The following GABBR2 variants were observed in gnomAD, a reference collection of about 807,000 sequenced individuals.
GABBR2 encodes the protein G-protein coupled receptor 51.
In GABBR2, 23 loss-of-function variants were observed where a neutral mutation model predicts 105.6. The observed-to-expected ratio is 0.22, with a 90% CI of 0.16 to 0.31. GABBR2 has a LOEUF of 0.31. Ranked by LOEUF, GABBR2 falls within the 10% of genes least tolerant of loss-of-function variation. The probability of loss-of-function intolerance (pLI) is 1.00; values close to 1 mark genes in which losing one functional copy is unlikely to be tolerated. For missense variants in GABBR2, 734 were observed against 1,245.5 expected, an observed-to-expected ratio of 0.59 and a Z score of 6.18; for synonymous variants, 478 against 499.7, an observed-to-expected ratio of 0.96 and a Z score of 0.58.
In GABBR2 at chr9:98,303,435, A is replaced by AAG; in HGVS notation, c.2230-14_2230-13dup. The AAG allele has an allele frequency of 6.2e-7, 1 of 1,612,966 alleles. No homozygotes were observed. Among genetic ancestry groups the AAG allele is most frequent in the South Asian group, 1.1e-5 (1 of 90,908 alleles). On this transcript the variant is annotated splice_polypyrimidine_tract_variant and intron_variant, in intron 15 of 18. Transcript: ENST00000259455. ...CTCAGGGTGATGAGCTGAAAGGACA[A>AAG]AGGTTGGGGCGGGGTTGAAGAGAGA...
intron 3 of GABBR2, among the ~76,000 whole-genome samples, chr9:98,496,723 C>A (rs544266034): frequency 6.6e-6 from 1 of 152,324 alleles, no homozygotes; most frequent in East Asian, 1.9e-4. Context: ...CACATGGATA[C>A]AAGGAGGCCA....
At chr9:98,382,710 G>A (rs549029992) in intron 11 of GABBR2, among the ~76,000 whole-genome samples, 20 of 152,306 alleles carry the variant, frequency 1.3e-4, no homozygotes, top group African/African-American at 7.2e-5. Context: ...CACTTTCCTC[G>A]TTTAACTTCA....
At chr9:98,508,178 C>T (rs1379161987) in intron 3 of GABBR2, among the ~76,000 whole-genome samples, 7 of 152,140 alleles carry the variant, frequency 4.6e-5, no homozygotes. Flanking sequence ...AGGAAATCAG[C>T]AATATGCAAA....
At chr9:98,300,121 C>T (rs1160920246) in intron 16 of GABBR2, among the ~76,000 whole-genome samples, 1 of 151,750 alleles carries the variant, frequency 6.6e-6, no homozygotes, top group Non-Finnish European at 1.5e-5. Flanking sequence ...ACTTTGGCCT[C>T]CCAAAGTGCT....
At chr9:98,377,089 C>T (rs1831888055) in intron 11 of GABBR2, among the ~76,000 whole-genome samples, 1 of 152,186 alleles carries the variant, frequency 6.6e-6, no homozygotes, top group Non-Finnish European at 1.5e-5. Flanking sequence ...CCTTGGCAGC[C>T]TTGGCTCAGG....
intron 3 of GABBR2, among the ~76,000 whole-genome samples, chr9:98,537,554 C>A (rs1828206941): frequency 6.6e-6 from 1 of 152,002 alleles, no homozygotes; most frequent in South Asian, 2.1e-4. Flanking sequence ...GGGCTCAAGC[C>A]TCTCAGGTAG....
intron 2 of GABBR2, among the ~76,000 whole-genome samples, chr9:98,566,519 C>CA: frequency 6.6e-6 from 1 of 151,944 alleles, no homozygotes; most frequent in African/African-American, 2.4e-5. Context: ...ACTAAAATTA[C>CA]AAAAAATTAG....
chr9:98,332,223 T>C (rs1831039925), intron 13 of GABBR2, among the ~76,000 whole-genome samples: 1 of 152,184 alleles, frequency 6.6e-6, no homozygotes, highest in African/African-American at 2.4e-5. Flanking sequence ...AATGAGTGGA[T>C]GGCCATGGAA....
chr9:98,632,315 A>G (rs769709082), intron 1 of GABBR2, among the ~76,000 whole-genome samples: 1 of 152,234 alleles, frequency 6.6e-6, no homozygotes, highest in Non-Finnish European at 1.5e-5. Context: ...GGTAGTTGTG[A>G]AGAAGTAGAG....
intron 6 of GABBR2, among the ~76,000 whole-genome samples, chr9:98,455,571 AG>A (rs923310435): frequency 2.0e-5 from 3 of 152,128 alleles, no homozygotes; most frequent in Admixed American, 6.5e-5. Flanking sequence ...TGGTGGAGGG[AG>A]GGGGGGCGCG....
At chr9:98,405,131 G>A (rs886870254) in intron 8 of GABBR2, among the ~76,000 whole-genome samples, 8 of 152,136 alleles carry the variant, frequency 5.3e-5, no homozygotes, top group Non-Finnish European at 2.9e-5. Flanking sequence ...AAAAAAGGGG[G>A]GATGGGGTGA....
chr9:98,703,825 AT>A lies in GABBR2; in HGVS notation c.321+4591del, dbSNP rs199849406. On this transcript the variant is annotated intron_variant, in intron 1 of 18. Transcript: ENST00000259455. ...TTTATTTTTAAATAAAAATAAATTT[AT>A]TTTTTAATAAAATTAAAAATTTATA... Among the ~76,000 whole-genome samples the A allele has an allele frequency of 7.3e-5, 11 of 151,642 alleles. No individual in the cohort carries two copies. In the East Asian group the frequency reaches 1.9e-3, roughly 27 times the overall value.
At chr9:98,299,492 T>C in intron 16 of GABBR2, 139 bp from the exon 17 acceptor site, 1 of 860,826 alleles carries the variant, frequency 1.2e-6, no homozygotes, top group Admixed American at 2.3e-5. Context: ...GGTTACTGCA[T>C]TTTGGTGAGG....
At chr9:98,428,782 G>C (rs1825744708) in intron 7 of GABBR2, among the ~76,000 whole-genome samples, 1 of 152,126 alleles carries the variant, frequency 6.6e-6, no homozygotes, top group African/African-American at 2.4e-5. Context: ...TGCTGGACTT[G>C]GTGCTGACAT....
chr9:98,577,699 G>A (rs1828940176), intron 2 of GABBR2, among the ~76,000 whole-genome samples: 1 of 152,188 alleles, frequency 6.6e-6, no homozygotes, highest in Non-Finnish European at 1.5e-5. Flanking sequence ...AGTCAGTGGT[G>A]AGCCCTGAAG....
intron 2 of GABBR2, 114 bp from the exon 3 acceptor site, chr9:98,542,157 G>A: frequency 2.5e-6 from 2 of 789,594 alleles, no homozygotes; most frequent in South Asian, 4.1e-5. Context: ...TAAACACACA[G>A]GGACAGATAT....
chr9:98,397,745 G>A (rs948275476), intron 8 of GABBR2, among the ~76,000 whole-genome samples: 2 of 152,082 alleles, frequency 1.3e-5, no homozygotes, highest in Admixed American at 6.6e-5. Flanking sequence ...CCTGAGTACT[G>A]TTCCTCCCCT....
chr9:98,396,139 C>T (rs1225734238), intron 8 of GABBR2, among the ~76,000 whole-genome samples: 2 of 152,166 alleles, frequency 1.3e-5, no homozygotes, highest in East Asian at 1.9e-4. Flanking sequence ...TGAGAGGTGA[C>T]AGTTTGTGCC....
intron 3 of GABBR2, among the ~76,000 whole-genome samples, chr9:98,539,436 T>C (rs1040846428): frequency 6.6e-6 from 1 of 152,178 alleles, no homozygotes; most frequent in Admixed American, 6.5e-5. Flanking sequence ...AACTGAGGGG[T>C]TCAGGACCCC....
Sources: gnomAD v4.1 joint callset for allele counts (sites outside exome capture counted in the v4.1 genomes callset) on GRCh38, gnomAD v4.1.1 for gene constraint, MANE v1.5 for transcripts, NCBI Gene and HGNC (gene_info 2026-07-23, HGNC 2026-07-21) for gene names.